Variants in AFF2 observed in about 807,000 individuals in gnomAD.
AFF2 encodes the protein AF4/FMR2 family member 2.
In AFF2, 14 loss-of-function variants were observed where a neutral mutation model predicts 76.9. That is an observed-to-expected ratio of 0.18 (90% CI 0.12 to 0.28). AFF2 has a LOEUF of 0.28. AFF2 is among the 10% of genes least tolerant of loss of function. AFF2 has a pLI of 1.00. For missense variants in AFF2, 868 were observed against 1,001.1 expected (o/e 0.87, Z 1.79); for synonymous variants, 398 against 366.7 (o/e 1.09, Z -0.98).
At chrX:148,951,220 A>G (rs1181505986) in intron 9 of AFF2, among the ~76,000 whole-genome samples, 1 of 111,199 alleles carries the variant, frequency 9.0e-6, no homozygotes, top group Admixed American at 9.6e-5. Context: ...TACTAAATCC[A>G]TGGAACTTTG....
chrX:148,843,407 T>G lies in AFF2; in HGVS notation c.1236T>G (p.Ala412=). 8.3e-6 allele frequency: 10 copies of G among 1,209,933 alleles called. No individual in the cohort carries two copies. Among genetic ancestry groups the G allele is most frequent in the Non-Finnish European group, 1.1e-5 (10 of 894,407 alleles). ...LQKWNDPTTR[A]STKSVSFKSM... ...AGTGGAATGACCCAACCACCAGAGC[T>G]TCTACAAAGTCAGTGTCTTTCAAAT... Residue 412 remains alanine (A), a synonymous_variant, in exon 7 of 21, where the codon GCT becomes GCG. Transcript: ENST00000370460.
intron 3 of AFF2, among the ~76,000 whole-genome samples, chrX:148,800,829 C>T (rs1262158333): frequency 1.8e-5 from 2 of 112,080 alleles, no homozygotes; most frequent in African/African-American, 6.5e-5. Context: ...ATAGCAATCA[C>T]ATATTAAATG....
intron 1 of AFF2, among the ~76,000 whole-genome samples, chrX:148,518,229 C>T (rs1320377186): frequency 9.0e-6 from 1 of 111,138 alleles, no homozygotes; most frequent in African/African-American, 3.3e-5. Flanking sequence ...GGTCTTGGCA[C>T]GGGAGTGTGG....
At chrX:148,801,370 A>G (rs961855792) in intron 3 of AFF2, among the ~76,000 whole-genome samples, 2 of 111,817 alleles carry the variant, frequency 1.8e-5, no homozygotes, top group African/African-American at 3.2e-5. Context: ...TTTCGAAGAC[A>G]ACTATTCCAA....
In AFF2 at chrX:148,833,226, C is replaced by A. The variant is rs931435246; in HGVS notation, c.1087-4421C>A. On this transcript the variant is annotated intron_variant, in intron 4 of 20. Coordinates refer to ENST00000370460, the MANE Select transcript of AFF2 (RefSeq NM_002025.4). ...TTCCCCACCACCTTATTCTCTGCAC[C>A]TTTGCTCATTCCCCTCTCAAGGTGA... Among the ~76,000 whole-genome samples the A allele has an allele frequency of 5.4e-5, 6 of 111,718 alleles. No homozygotes were observed. The East Asian group carries it at 8.4e-4, about 16-fold the overall frequency.
intron 3 of AFF2, among the ~76,000 whole-genome samples, chrX:148,739,339 T>C (rs2055322373): frequency 1.8e-5 from 2 of 112,180 alleles, no homozygotes; most frequent in Admixed American, 9.4e-5. Flanking sequence ...GTTATTTTCC[T>C]GTTGGATAAG....
chrX:148,974,155 G>A (rs942544809), intron 16 of AFF2, among the ~76,000 whole-genome samples: 59 of 109,491 alleles, frequency 5.4e-4, no homozygotes, highest in African/African-American at 1.9e-3. Context: ...GAATAAGAGA[G>A]GGGATATTAA....
At position 148,751,976 on chromosome X, in the gene AFF2, T is replaced by A. The variant is rs562937204; in HGVS notation, c.1042-57900T>A. Among the ~76,000 whole-genome samples the A allele has an allele frequency of 2.5e-4, 28 of 111,794 alleles. 1 individual carries two copies. The highest frequency in any genetic ancestry group is 1.1e-3 in the South Asian group (3 of 2,635). On this transcript the variant is annotated intron_variant, in intron 3 of 20. Transcript: ENST00000370460. ...TAGTGATGTCCTCTTACATTCTTAG[T>A]ATCTTCTTGCGGCAATCCTCATGTG...
At chrX:148,601,668 T>C (rs1378089028) in intron 1 of AFF2, among the ~76,000 whole-genome samples, 1 of 111,514 alleles carries the variant, frequency 9.0e-6, no homozygotes, top group Admixed American at 9.5e-5. Flanking sequence ...ATATCTTTAG[T>C]ACCTGAAATC....
rs2072036364 is a variant in AFF2 at position 148,956,191 on chromosome X, T to C, written c.2146T>C (p.Ser716Pro). ...TCGGGAATTCATTGAAACAGATTCA[T>C]CTACATCTGACTCCAACACAGATCA... is the stretch of plus-strand genomic sequence containing the variant. ...KSREFIETDS[S>P]TSDSNTDQEE... Residue 716 changes from serine (S) to proline (P), a missense_variant, in exon 11 of 21, where the codon TCT (serine) becomes CCT (proline). This residue lies in a region of AFF2 where 532 missense variants were observed against 564.2 expected (regional missense o/e 0.94). Coordinates refer to ENST00000370460, the MANE Select transcript of AFF2 (RefSeq NM_002025.4). 8.3e-7 allele frequency: 1 copy of C among 1,208,569 alleles called. No homozygotes were observed. The highest frequency in any genetic ancestry group is 1.1e-6 in the Non-Finnish European group (1 of 894,903).
intron 3 of AFF2, among the ~76,000 whole-genome samples, chrX:148,783,562 T>A (rs1289195828): frequency 2.7e-5 from 3 of 111,816 alleles, no homozygotes; most frequent in African/African-American, 9.8e-5. Flanking sequence ...GTTCCTCTCA[T>A]TTCTGTTAAC....
chrX:148,658,446 C>T (rs1168856177), intron 2 of AFF2, among the ~76,000 whole-genome samples: 1 of 111,963 alleles, frequency 8.9e-6, no homozygotes, highest in Non-Finnish European at 1.9e-5. Context: ...AGCTTCACTC[C>T]TGTGTCATTA....
chrX:148,568,639 T>A (rs2053196268), intron 1 of AFF2, among the ~76,000 whole-genome samples: 1 of 112,113 alleles, frequency 8.9e-6, no homozygotes, highest in Admixed American at 9.5e-5. Flanking sequence ...GCTTGACATT[T>A]ACTTTGTATG....
At chrX:148,590,088 C>T (rs962594030) in intron 1 of AFF2, among the ~76,000 whole-genome samples, 1 of 103,946 alleles carries the variant, frequency 9.6e-6, no homozygotes, top group Non-Finnish European at 2.0e-5. Context: ...TTAGTAAGGG[C>T]ATCTGCTAAT....
chrX:148,826,486 G>A (rs1296087250), intron 4 of AFF2, among the ~76,000 whole-genome samples: 5 of 111,114 alleles, frequency 4.5e-5, no homozygotes, highest in Non-Finnish European at 9.4e-5. Flanking sequence ...ATAGCTACTT[G>A]TAGCTTATGC....
chrX:148,971,723 T>C (rs1046423350), intron 15 of AFF2, among the ~76,000 whole-genome samples: 31 of 100,883 alleles, frequency 3.1e-4, no homozygotes, highest in Non-Finnish European at 5.2e-4. Flanking sequence ...TTTTCAATCC[T>C]AGAAAATATT....
rs1326361963 is a variant in AFF2, at chrX:148,625,286, G to A, written c.48-26713G>A. 4.5e-5 allele frequency among the ~76,000 whole-genome samples: 5 copies of A among 111,434 alleles called. No homozygotes were observed. In the East Asian group the frequency reaches 1.4e-3, roughly 32 times the overall value. On this transcript the variant is annotated intron_variant, in intron 1 of 20. Transcript: ENST00000370460. ...GAGCTTCCAGAGGTGCAAGATTGAT[G>A]TGTCCCCTGCTGGCTTAGCATGCTG...
intron 8 of AFF2, among the ~76,000 whole-genome samples, chrX:148,898,606 A>C (rs2071320984): frequency 8.9e-6 from 1 of 111,884 alleles, no homozygotes; most frequent in African/African-American, 3.2e-5. Context: ...GAGTGTAAAC[A>C]AGAGCCTTAC....
chrX:148,652,564 A>G (rs1200216751), intron 2 of AFF2, among the ~76,000 whole-genome samples: 2 of 112,071 alleles, frequency 1.8e-5, no homozygotes, highest in African/African-American at 6.5e-5. Flanking sequence ...GGTTGTTAGC[A>G]GCTCTTCAGT....
Sources: gnomAD v4.1 joint callset for allele counts (sites outside exome capture counted in the v4.1 genomes callset) on GRCh38, gnomAD v4.1.1 for gene constraint, gnomAD v4.1.1 regional missense constraint, MANE v1.5 for transcripts, NCBI Gene and HGNC (gene_info 2026-07-23, HGNC 2026-07-21) for gene names.